The following PEG3 variants were observed in gnomAD, a reference collection of about 807,000 sequenced individuals.
PEG3 encodes the protein paternally-expressed gene 3 protein.
PEG3 carries 23 observed loss-of-function variants against 35.5 expected under a neutral mutation model. That is an observed-to-expected ratio of 0.65 (90% CI 0.47 to 0.92). PEG3 has a LOEUF of 0.92. Ranked by LOEUF, PEG3 falls within the 40% of genes least tolerant of loss-of-function variation. The pLI, the probability that PEG3 is intolerant of heterozygous loss-of-function variation, is 0.00. For synonymous variants in PEG3, 707 were observed against 697.0 expected (o/e 1.01, Z -0.23); for missense variants, 1,960 against 1,985.3 (o/e 0.99, Z 0.24).
intron 1 of PEG3, among the ~76,000 whole-genome samples, chr19:56,838,785 A>AG (rs941869340): frequency 2.4e-4 from 37 of 152,320 alleles, no homozygotes; most frequent in African/African-American, 8.4e-4. Flanking sequence ...ACACAGCCCA[A>AG]GGAGCGCGGC....
chr19:56,831,119 C>A (rs1037296743), intron 2 of PEG3, among the ~76,000 whole-genome samples: 1 of 152,000 alleles, frequency 6.6e-6, no homozygotes, highest in East Asian at 1.9e-4. Flanking sequence ...TCAAGACAAC[C>A]CTGCATAAGG....
rs1211201266 is a variant in PEG3, at chr19:56,814,179, C to T, written c.4263G>A (p.Glu1421=). 2 of 1,614,158 alleles carry T rather than the reference C, an allele frequency of 1.2e-6. No individual in the cohort carries two copies. The highest frequency in any genetic ancestry group is 1.7e-5 in the Admixed American group (1 of 60,022). The change falls in exon 10 of 10, where the codon GAG becomes GAA. Residue 1421 remains glutamate, a synonymous_variant. Transcript: ENST00000326441. The surrounding 1 kb of genome is among the most constrained non-coding windows in gnomAD (Gnocchi z 5.8). The stretch of plus-strand genomic sequence containing the variant: ...CAGCCTCTCCATCTGGCCCTTCAGC[C>T]TCTCCGTTTGGCTCAGCAGCCTCCA... ...PEVEAAEPNG[E]AEGPDGEAAE...
At position 56,812,546 on chromosome 19, in the gene PEG3, T is replaced by C; in HGVS notation, c.*1129A>G. On this transcript the variant is annotated 3_prime_UTR_variant, in exon 10 of 10. Transcript: ENST00000326441. ...GGCACCTAGGGTGCAAACTGACTTGTGGCAGCATAAGCTGATGCTGCACAG... is the reference window on the plus strand; with the variant it reads ...GGCACCTAGGGTGCAAACTGACTTGCGGCAGCATAAGCTGATGCTGCACAG... The C allele has an allele frequency of 1.0e-6, 1 of 985,786 alleles. No homozygotes were observed. The highest frequency in any genetic ancestry group is 1.2e-6 in the Non-Finnish European group (1 of 829,900). 61.1% of individuals were successfully genotyped at this position (985,786 alleles called of 1,614,324 possible).
Position 56,815,583 on chromosome 19 carries a change from G to A in PEG3, c.2859C>T (p.His953=). ...EHRSNETSVI[H]SLPFGEQTFR... ...ATGTTTGTTCACCAAAAGGCAGAGAGTGAATTACAGAGGTCTCATTGCTCC... is the reference window on the plus strand; with the variant it reads ...ATGTTTGTTCACCAAAAGGCAGAGAATGAATTACAGAGGTCTCATTGCTCC... Residue 953 remains histidine (H), a synonymous_variant, in exon 10 of 10, where the codon CAC becomes CAT. Coordinates refer to ENST00000326441, the MANE Select transcript of PEG3 (RefSeq NM_006210.3). 8.1e-6 allele frequency: 13 copies of A among 1,614,120 alleles called. No individual in the cohort carries two copies. Among genetic ancestry groups the A allele is most frequent in the South Asian group, 1.1e-5 (1 of 91,080 alleles).
chr19:56,837,354 A>G (rs2062268288), intron 1 of PEG3, among the ~76,000 whole-genome samples: 1 of 152,176 alleles, frequency 6.6e-6, no homozygotes, highest in African/African-American at 2.4e-5. Context: ...CAGCTGTACG[A>G]TTTTGAGTGA....
At position 56,821,687 on chromosome 19, in the gene PEG3, G is replaced by T. The variant is rs139404296; in HGVS notation, c.633C>A (p.Asp211Glu). ...AKTSFEMDRE[D>E]DRDSRAYESR... The stretch of plus-strand genomic sequence containing the variant: ...ACTCATAAGCCCTGGAGTCCCTGTC[G>T]TCCTCTCTGTCCATTTCAAAGCTTG... Residue 211 changes from aspartate (D) to glutamate (E), a missense_variant, in exon 7 of 10, where the codon GAC becomes GAA. By Grantham distance (45) the Asp-to-Glu change is conservative (BLOSUM62 2). Around this residue, in one of 5 missense-constraint regions of PEG3, gnomAD observed 613 missense variants for 577.1 expected, o/e 1.06. Transcript: ENST00000326441. 1 of 1,614,028 alleles carries T rather than the reference G, an allele frequency of 6.2e-7. No individual in the cohort carries two copies.
intron 4 of PEG3, 87 bp from the exon 5 acceptor site, chr19:56,823,766 C>A (rs2060739607): frequency 6.9e-7 from 1 of 1,439,122 alleles, no homozygotes; most frequent in South Asian, 1.2e-5. Context: ...ATCTCCCTGT[C>A]ACAGACACAC....
In PEG3 at chr19:56,815,736, G is replaced by C. The variant is rs1276998169; in HGVS notation, c.2706C>G (p.Ala902=). ...EDSVIQSVFR[A]KPQKSVPGEG... ...CTCCAGGAACACTTTTCTGAGGTTT[G>C]GCACGGAATACACTCTGTATGACAG... Residue 902 remains alanine, a synonymous_variant, in exon 10 of 10, where the codon GCC becomes GCG. Transcript: ENST00000326441. 1 of 1,614,098 alleles carries C rather than the reference G, an allele frequency of 6.2e-7. No individual in the cohort carries two copies.
chr19:56,811,965 T>C lies in PEG3; in HGVS notation c.*1710A>G. 1.0e-6 allele frequency: 1 copy of C among 985,390 alleles called. No individual in the cohort carries two copies. The highest frequency in any genetic ancestry group is 1.2e-6 in the Non-Finnish European group (1 of 829,924). 61.0% of individuals were successfully genotyped at this position (985,390 alleles called of 1,614,324 possible). ...CTGCTTCTTGCTCTCAGCTCTACAATCTTCCTAAACTTTGACACTCCCTGC... is the reference window on the plus strand; with the variant it reads ...CTGCTTCTTGCTCTCAGCTCTACAACCTTCCTAAACTTTGACACTCCCTGC... On this transcript the variant is annotated 3_prime_UTR_variant, in exon 10 of 10. Coordinates refer to ENST00000326441, the MANE Select transcript of PEG3 (RefSeq NM_006210.3).
At chr19:56,822,468 G>A (rs2060590258) in intron 6 of PEG3, 1 of 369,664 alleles carries the variant, frequency 2.7e-6, no homozygotes, top group Non-Finnish European at 4.8e-6. Flanking sequence ...TTTTTGCAGT[G>A]GCATAGTCTT....
Position 56,810,140 on chromosome 19 carries a change from T to C in PEG3, c.*3535A>G, listed in dbSNP as rs2146058068. On this transcript the variant is annotated 3_prime_UTR_variant, in exon 10 of 10. Coordinates refer to ENST00000326441, the MANE Select transcript of PEG3 (RefSeq NM_006210.3). ...ATTACAGATAGAATGACCACAACCA[T>C]ATTAACAAACCAAAAACCTGTGCAC... 1 of 973,108 alleles carries C rather than the reference T, an allele frequency of 1.0e-6. No individual in the cohort carries two copies. Among genetic ancestry groups the C allele is most frequent in the Non-Finnish European group, 1.2e-6 (1 of 818,688 alleles). The allele number at this position is 973,108 out of a possible 1,614,324, so 60.3% of individuals were successfully genotyped here.
Position 56,814,921 on chromosome 19 carries a change from T to A in PEG3, c.3521A>T (p.His1174Leu), listed in dbSNP as rs1162692606. The change falls in exon 10 of 10, where the codon CAT (histidine) becomes CTT (leucine). Residue 1174 changes from histidine to leucine, a missense_variant. By Grantham distance (99) the His-to-Leu change is moderately conservative. This residue lies in a region of PEG3 where 124 missense variants were observed against 179.6 expected (regional missense o/e 0.69). Transcript: ENST00000326441. This position sits in a 1 kb window ranked among gnomAD's most constrained non-coding sequence, Gnocchi z 5.8. Reference protein sequence around the residue: ...ECPKCGESFIHSSFLFEHQRI... With the variant: ...ECPKCGESFILSSFLFEHQRI... ...CTGATGCTCGAAAAGGAATGAGCTA[T>A]GAATAAAAGATTCCCCACACTTTGG... The A allele has an allele frequency of 6.2e-7, 1 of 1,614,200 alleles. No homozygotes were observed. Among genetic ancestry groups the A allele is most frequent in the Non-Finnish European group, 8.5e-7 (1 of 1,180,030 alleles).
chr19:56,828,180 G>A (rs963226415), intron 2 of PEG3, among the ~76,000 whole-genome samples: 1 of 152,006 alleles, frequency 6.6e-6, no homozygotes, highest in Non-Finnish European at 1.5e-5. Context: ...TCCCCGCATC[G>A]CCTCCCTATC....
intron 6 of PEG3, 130 bp from the exon 7 acceptor site, chr19:56,821,884 A>G: frequency 1.1e-6 from 1 of 950,568 alleles, no homozygotes; most frequent in Non-Finnish European, 1.6e-6. Context: ...TCTTCTCTGC[A>G]TTCTGTGGCA....
Position 56,813,866 on chromosome 19 carries a change from T to A in PEG3, c.4576A>T (p.Thr1526Ser). ...TCAAATATGATCATGCTGGCATGAG[T>A]TTTCAGGTGTTCACTGAATGCTGTG... ...SSTAFSEHLK[T>S]HASMIIFEPA... Residue 1526 changes from threonine (T) to serine (S), a missense_variant, in exon 10 of 10, where the codon ACT becomes TCT. By Grantham distance (58) the Thr-to-Ser change is moderately conservative. Transcript: ENST00000326441. The A allele has an allele frequency of 6.2e-7, 1 of 1,614,010 alleles. No individual in the cohort carries two copies. Among genetic ancestry groups the A allele is most frequent in the Non-Finnish European group, 8.5e-7 (1 of 1,179,996 alleles).
intron 1 of PEG3, among the ~76,000 whole-genome samples, chr19:56,838,579 GCAA>G (rs2062495885): frequency 2.6e-5 from 4 of 152,204 alleles, no homozygotes; most frequent in African/African-American, 9.6e-5. Flanking sequence ...TCTTGGTCAG[GCAA>G]CAACAGGGGA....
Position 56,815,178 on chromosome 19 carries a change from G to T in PEG3, c.3264C>A (p.Val1088=), listed in dbSNP as rs1350014539. 2 of 1,613,950 alleles carry T rather than the reference G, an allele frequency of 1.2e-6. No homozygotes were observed. The highest frequency in any genetic ancestry group is 1.7e-5 in the Admixed American group (1 of 60,036). ...THGQETIEDP[V]IQGSDMEDPQ... ...GGTCTTCCATGTCTGAGCCTTGAAT[G>T]ACAGGGTCTTCAATTGTCTCCTGAC... Residue 1088 remains valine (V), a synonymous_variant, in exon 10 of 10, where the codon GTC becomes GTA. Coordinates refer to ENST00000326441, the MANE Select transcript of PEG3 (RefSeq NM_006210.3).
In PEG3 at chr19:56,817,349, C is replaced by G. The variant is rs1166849523; in HGVS notation, c.1093G>C (p.Val365Leu). The G allele has an allele frequency of 6.2e-7, 1 of 1,613,938 alleles. No homozygotes were observed. The highest frequency in any genetic ancestry group is 1.3e-5 in the African/African-American group (1 of 74,922). The change falls in exon 10 of 10, where the codon GTT becomes CTT. Residue 365 changes from valine to leucine, a missense_variant. By Grantham distance (32) the Val-to-Leu change is conservative (BLOSUM62 1). Transcript: ENST00000326441. ...NKRESVIQQR[V>L]YEGNAFRGGF... Reference sequence around the variant, plus strand: ...CCCCTAAATGCATTCCCTTCATAAACCCGCTGCTGGATCACTGACTCCCTC... The same window carrying G: ...CCCCTAAATGCATTCCCTTCATAAAGCCGCTGCTGGATCACTGACTCCCTC...
intron 1 of PEG3, among the ~76,000 whole-genome samples, chr19:56,839,368 C>T (rs572790462): frequency 2.6e-5 from 4 of 150,988 alleles, no homozygotes; most frequent in Non-Finnish European, 5.9e-5. Flanking sequence ...CCAACCAGGG[C>T]AGCACCTGCA....
Sources: allele counts gnomAD v4.1 joint callset (sites outside exome capture counted in the v4.1 genomes callset), GRCh38; gene constraint gnomAD v4.1.1; regional missense constraint gnomAD v4.1.1; non-coding constraint Gnocchi (gnomAD v3.1); transcripts MANE v1.5; gene names NCBI Gene and HGNC (gene_info 2026-07-23, HGNC 2026-07-21).